TET3: variants seen among roughly 807,000 people sequenced by gnomAD.
TET3 encodes tet methylcytosine dioxygenase 3.
Under a neutral mutation model 141.4 loss-of-function variants are expected in TET3, and 19 were observed. That is an observed-to-expected ratio of 0.13 (90% confidence interval 0.09 to 0.20). TET3 has a LOEUF of 0.20. Ranked by LOEUF, TET3 falls within the 10% of genes least tolerant of loss-of-function variation. TET3 has a pLI of 1.00. For missense variants in TET3, 1,874 were observed against 2,356.9 expected (o/e 0.80, Z 4.24); for synonymous variants, 1,043 against 980.9 (o/e 1.06, Z -1.18).
intron 8 of TET3, among the ~76,000 whole-genome samples, chr2:74,092,091 G>A (rs1339199883): frequency 1.1e-4 from 17 of 152,132 alleles, no homozygotes; most frequent in Admixed American, 1.1e-3. Context: ...ATCACCTGAG[G>A]TCAGGAGTTT....
intron 3 of TET3, among the ~76,000 whole-genome samples, chr2:74,032,406 T>C (rs1289147152): frequency 1.2e-5 from 1 of 85,480 alleles, no homozygotes; most frequent in Non-Finnish European, 2.4e-5. Flanking sequence ...ACGTGCACCA[T>C]GGGGCTTGGG....
intron 3 of TET3, among the ~76,000 whole-genome samples, chr2:74,018,259 G>A (rs1426914437): frequency 6.6e-6 from 1 of 152,054 alleles, no homozygotes; most frequent in Non-Finnish European, 1.5e-5. Context: ...GAGCCACCGT[G>A]CCTGGCCTTC....
intron 3 of TET3, among the ~76,000 whole-genome samples, chr2:74,006,237 T>C (rs1400615540): frequency 6.6e-6 from 1 of 152,230 alleles, no homozygotes; most frequent in Non-Finnish European, 1.5e-5. Flanking sequence ...TGGGAAGATA[T>C]GGAAGCAGGT....
intron 3 of TET3, among the ~76,000 whole-genome samples, chr2:74,005,602 C>T (rs1685112042): frequency 6.6e-6 from 1 of 152,078 alleles, no homozygotes; most frequent in Admixed American, 6.5e-5. Flanking sequence ...GGTGTGAGAT[C>T]AGACCAAGAC....
intron 3 of TET3, among the ~76,000 whole-genome samples, chr2:74,011,207 G>A (rs192501686): frequency 5.5e-5 from 7 of 126,802 alleles, no homozygotes; most frequent in Admixed American, 4.7e-4. Context: ...CAGCCTGGGC[G>A]ACAGAGAGAG....
intron 3 of TET3, among the ~76,000 whole-genome samples, chr2:74,008,169 C>T (rs965182140): frequency 6.6e-5 from 10 of 152,184 alleles, no homozygotes; most frequent in Admixed American, 3.9e-4. Context: ...CTTTTCCACT[C>T]TTCTATACCC....
intron 2 of TET3, among the ~76,000 whole-genome samples, chr2:73,996,784 C>T (rs1240784572): frequency 6.6e-6 from 1 of 152,238 alleles, no homozygotes; most frequent in Non-Finnish European, 1.5e-5. Flanking sequence ...GCTGGGATTA[C>T]AGGCATGAGC....
In TET3 at chr2:74,087,015, TTC is replaced by T. The variant is rs1462038000; in HGVS notation, c.2680-813_2680-812del. On this transcript the variant is annotated intron_variant, in intron 6 of 11. Coordinates refer to ENST00000409262, the MANE Select transcript of TET3 (RefSeq NM_001287491.2). This position sits in a 1 kb window ranked among gnomAD's most constrained non-coding sequence, Gnocchi z 4.3. ...AGGCCCTCGTAAGCTCTAATCTACT[TTC>T]TGTCTCTCTGAATGGAACTGTTCTG... Among the ~76,000 whole-genome samples the T allele has an allele frequency of 6.6e-6, 1 of 152,068 alleles. No homozygotes were observed. Among genetic ancestry groups the T allele is most frequent in the African/African-American group, 2.4e-5 (1 of 41,396 alleles).
At position 73,986,602 on chromosome 2, in the gene TET3, G is replaced by A. The variant is rs1439671178; in HGVS notation, c.199G>A (p.Glu67Lys). The A allele has an allele frequency of 3.2e-6, 4 of 1,232,062 alleles. No individual in the cohort carries two copies. The highest frequency in any genetic ancestry group is 4.0e-6 in the Non-Finnish European group (4 of 988,016). 76.3% of individuals were successfully genotyped at this position (1,232,062 alleles called of 1,614,324 possible). Residue 67 changes from glutamate (E) to lysine (K), a missense_variant, in exon 2 of 12, where the codon GAA becomes AAA. Physicochemically the swap from Glu to Lys is moderately conservative, Grantham distance 56. Transcript: ENST00000409262. ...CGTCEPCRRL[E>K]NCGACTSCTN... ...TACTTGTGAGCCCTGCCGGCGGCTG[G>A]AAAACTGTGGCGCTTGCACTAGCTG...
intron 4 of TET3, 114 bp downstream of exon 4, chr2:74,048,525 C>T (rs991958425): frequency 3.6e-4 from 407 of 1,138,720 alleles, no homozygotes; most frequent in Non-Finnish European, 4.0e-4. Context: ...AACTGCCACA[C>T]TGGGTTCTGG....
chr2:74,117,943 A>G, the TET3 span, among the ~76,000 whole-genome samples: 1 of 151,910 alleles, frequency 6.6e-6, no homozygotes, highest in Non-Finnish European at 1.5e-5. Context: ...ACGGGGTTTC[A>G]CCATGTTGGC....
intron 3 of TET3, among the ~76,000 whole-genome samples, chr2:74,006,166 G>C (rs1685140790): frequency 1.3e-5 from 2 of 152,110 alleles, no homozygotes; most frequent in African/African-American, 4.8e-5. Flanking sequence ...CTTGTTTCTT[G>C]CCTGCTCTTC....
chr2:74,125,932 T>A, the TET3 span, among the ~76,000 whole-genome samples: 1 of 152,214 alleles, frequency 6.6e-6, no homozygotes, highest in Non-Finnish European at 1.5e-5. Flanking sequence ...ATTTAAAATC[T>A]CAATTTTCTT....
chr2:74,065,261 T>C (rs1464504202), intron 4 of TET3, among the ~76,000 whole-genome samples: 2 of 152,150 alleles, frequency 1.3e-5, no homozygotes, highest in Non-Finnish European at 2.9e-5. Context: ...AAAGGAGTGT[T>C]TGTTATTTTT....
intron 4 of TET3, among the ~76,000 whole-genome samples, chr2:74,071,281 T>C (rs1291150638): frequency 6.6e-6 from 1 of 152,216 alleles, no homozygotes; most frequent in East Asian, 1.9e-4. Flanking sequence ...GGGATTAGGC[T>C]TCAACATACA....
chr2:74,043,126 C>T (rs186662446), intron 3 of TET3, among the ~76,000 whole-genome samples: 3 of 152,298 alleles, frequency 2.0e-5, no homozygotes, highest in East Asian at 3.9e-4. Context: ...GTGCTACTCT[C>T]GGGTGTTTCT....
intron 3 of TET3, among the ~76,000 whole-genome samples, chr2:74,016,788 C>CTTT (rs1157485325): frequency 0.022 from 2,634 of 122,384 alleles, 118 homozygotes; most frequent in African/African-American, 0.075. Flanking sequence ...GTTCTCCTGT[C>CTTT]TTTTTTTTTT....
the TET3 span, chr2:74,134,643 C>A: frequency 2.2e-6 from 1 of 455,450 alleles, no homozygotes; most frequent in Non-Finnish European, 4.4e-6. Flanking sequence ...CTGATGGGAG[C>A]AGAAAATAAT....
intron 2 of TET3, among the ~76,000 whole-genome samples, chr2:73,994,661 C>G (rs569782821): frequency 8.9e-6 from 1 of 112,744 alleles, no homozygotes; most frequent in African/African-American, 3.9e-5. Flanking sequence ...TTTTTTGATA[C>G]GGAGTCTCGC....
Sources: allele counts gnomAD v4.1 joint callset (sites outside exome capture counted in the v4.1 genomes callset), GRCh38; gene constraint gnomAD v4.1.1; non-coding constraint Gnocchi (gnomAD v3.1); transcripts MANE v1.5; gene names NCBI Gene and HGNC (gene_info 2026-07-23, HGNC 2026-07-21).